KPNB1: variants seen among roughly 807,000 people sequenced by gnomAD.
KPNB1 encodes karyopherin subunit beta 1, also known as importin subunit beta-1.
In KPNB1, 7 loss-of-function variants were observed where a neutral mutation model predicts 113.0. That is an observed-to-expected ratio of 0.06 (90% CI 0.04 to 0.12). KPNB1 has a LOEUF of 0.12. Ranked by LOEUF, KPNB1 falls within the 10% of genes least tolerant of loss-of-function variation. The pLI is 1.00. For synonymous variants in KPNB1, 363 were observed against 378.6 expected, an observed-to-expected ratio of 0.96 and a Z score of 0.48; for missense variants, 400 against 1,054.8, an observed-to-expected ratio of 0.38 and a Z score of 8.60.
rs149969618 is a variant in KPNB1, at chr17:47,684,643, A to T, written c.*2239A>T. 1.3e-5 allele frequency: 2 copies of T among 152,532 alleles called. No homozygotes were observed. Among genetic ancestry groups the T allele is most frequent in the East Asian group, 3.9e-4 (2 of 5,176 alleles). The allele number at this position is 152,532 out of a possible 1,614,324, so 9.4% of individuals were successfully genotyped here. Reference sequence around the variant, plus strand: ...TGCTTAGCTAGACAGCAGGAGAATAAAGTACACCGAGAACCATAATGAAAA... The same window carrying T: ...TGCTTAGCTAGACAGCAGGAGAATATAGTACACCGAGAACCATAATGAAAA... On this transcript the variant is annotated 3_prime_UTR_variant, in exon 22 of 22. Transcript: ENST00000290158.
Position 47,650,378 on chromosome 17 carries a change from C to T in KPNB1, c.41-8C>T, listed in dbSNP as rs745833214. The T allele has an allele frequency of 1.1e-5, 18 of 1,611,894 alleles. No individual in the cohort carries two copies. The Admixed American group carries it at 2.0e-4, about 18-fold the overall frequency. On this transcript the variant is annotated splice_polypyrimidine_tract_variant and splice_region_variant and intron_variant, in intron 1 of 21. Coordinates refer to ENST00000290158, the MANE Select transcript of KPNB1 (RefSeq NM_002265.6). The stretch of plus-strand genomic sequence containing the variant: ...ACCCCGCTCCGTCTCCCACTTTCCT[C>T]CCCCTAGATCGGCTGGAGCTGGAAG...
intron 13 of KPNB1, 50 bp downstream of exon 13, chr17:47,673,215 T>C (rs763011275): frequency 6.4e-7 from 1 of 1,555,418 alleles, no homozygotes; most frequent in Admixed American, 1.8e-5. Flanking sequence ...GGTAGTACTT[T>C]TGACACCTAG....
chr17:47,676,507 C>CA lies in KPNB1; in HGVS notation c.1995+20dup. 6.3e-7 allele frequency: 1 copy of CA among 1,576,518 alleles called. No individual in the cohort carries two copies. The highest frequency in any genetic ancestry group is 8.7e-7 in the Non-Finnish European group (1 of 1,145,740). On this transcript the variant is annotated intron_variant, in intron 16 of 21. Coordinates refer to ENST00000290158, the MANE Select transcript of KPNB1 (RefSeq NM_002265.6). ...TGAATACCAGGTAGGATGTGCTTTT[C>CA]AAAATAGTATGTTCCCATTTATATC...
At chr17:47,680,715 AG>A (rs1405866034) in intron 21 of KPNB1, 46 bp downstream of exon 21, 8 of 1,574,556 alleles carry the variant, frequency 5.1e-6, no homozygotes, top group African/African-American at 2.7e-5. Context: ...TTCCTGGAGG[AG>A]GGGGGTATGT....
chr17:47,670,541 T>C, intron 11 of KPNB1, 161 bp from the exon 12 acceptor site: 2 of 541,984 alleles, frequency 3.7e-6, no homozygotes, highest in South Asian at 3.1e-5. Context: ...AATAAATAAA[T>C]AGTTAGTTTA....
chr17:47,651,256 A>G, intron 2 of KPNB1: 1 of 985,348 alleles, frequency 1.0e-6, no homozygotes, highest in African/African-American at 1.7e-5. Flanking sequence ...TTGTATAAAA[A>G]TGTGGGATGG....
intron 2 of KPNB1, among the ~76,000 whole-genome samples, 187 bp from the exon 3 acceptor site, chr17:47,652,507 A>C (rs199500990): frequency 6.6e-6 from 1 of 152,296 alleles, no homozygotes; most frequent in East Asian, 1.9e-4. Context: ...TGTTACACTA[A>C]GTAACATTTT....
Position 47,655,156 on chromosome 17 carries a change from G to T in KPNB1, c.283-1704G>T, listed in dbSNP as rs76152645. 1.4e-4 allele frequency among the ~76,000 whole-genome samples: 22 copies of T among 152,324 alleles called. No homozygotes were observed. The East Asian group carries it at 3.1e-3, about 21-fold the overall frequency. ...TATTCTTTGTCCCGTGTTCATGCCA[G>T]AACAGTTAACTGTTTGCCTTTGAGT... On this transcript the variant is annotated intron_variant, in intron 3 of 21. Transcript: ENST00000290158.
At chr17:47,675,372 G>GTTTTTTT (rs755565036) in intron 15 of KPNB1, among the ~76,000 whole-genome samples, 4 of 86,072 alleles carry the variant, frequency 4.6e-5, no homozygotes, top group Admixed American at 1.2e-4. Context: ...TTTTTTTTTT[G>GTTTTTTT]TTTTTTTTTT....
intron 16 of KPNB1, 86 bp from the exon 17 acceptor site, chr17:47,676,934 A>G: frequency 9.9e-7 from 1 of 1,008,846 alleles, no homozygotes; most frequent in South Asian, 1.5e-5. Flanking sequence ...TTCAAGTGAT[A>G]AAAGCTCAGC....
chr17:47,677,258 C>T (rs1189711288), intron 17 of KPNB1, 131 bp downstream of exon 17: 3 of 698,036 alleles, frequency 4.3e-6, no homozygotes, highest in Middle Eastern at 3.2e-4. Context: ...CGAGGCAGGC[C>T]AGGAGTTCGA....
rs1915510531 is a variant in KPNB1 at position 47,650,502 on chromosome 17, C to T, written c.99+58C>T. The T allele has an allele frequency of 1.7e-5, 26 of 1,505,400 alleles. No individual in the cohort carries two copies. The East Asian group carries it at 5.8e-4, about 33-fold the overall frequency. The allele number at this position is 1,505,400 out of a possible 1,614,324, so 93.3% of individuals were successfully genotyped here. A position where few individuals can be genotyped will look rare whatever the true frequency, so the allele number is the denominator to read the frequency against. ...CGTCCCCATCCCCTGCGTGCGGGGC[C>T]TTCCCGCCCTCCCGGAGGCCCAGGC... On this transcript the variant is annotated intron_variant, in intron 2 of 21. Transcript: ENST00000290158.
At chr17:47,667,153 T>C (rs1254934555) in intron 9 of KPNB1, among the ~76,000 whole-genome samples, 1 of 150,944 alleles carries the variant, frequency 6.6e-6, no homozygotes, top group East Asian at 2.0e-4. Flanking sequence ...GGGTACAGAG[T>C]CTTGCTCTAT....
At chr17:47,682,148 C>A (rs758430715) in intron 21 of KPNB1, among the ~76,000 whole-genome samples, 12 of 152,206 alleles carry the variant, frequency 7.9e-5, no homozygotes, top group African/African-American at 1.7e-4. Context: ...GTTTTAATTT[C>A]TTTCACTCTT....
rs1307410398 is a variant in KPNB1, at chr17:47,663,196, T to G, written c.786+18T>G. The G allele has an allele frequency of 7.8e-7, 1 of 1,289,804 alleles. No individual in the cohort carries two copies. Among genetic ancestry groups the G allele is most frequent in the Non-Finnish European group, 1.1e-6 (1 of 884,854 alleles). The allele number at this position is 1,289,804 out of a possible 1,614,324, so 79.9% of individuals were successfully genotyped here. Reference sequence around the variant, plus strand: ...TTTTTGCAGTAAGTATTTCTATTTATGTGATTTGAGCTTGTGGCTAATTAC... The same window carrying G: ...TTTTTGCAGTAAGTATTTCTATTTAGGTGATTTGAGCTTGTGGCTAATTAC... On this transcript the variant is annotated intron_variant, in intron 7 of 21. Coordinates refer to ENST00000290158, the MANE Select transcript of KPNB1 (RefSeq NM_002265.6).
chr17:47,667,188 C>T (rs1213055488), intron 9 of KPNB1, among the ~76,000 whole-genome samples: 1 of 151,952 alleles, frequency 6.6e-6, no homozygotes, highest in African/African-American at 2.4e-5. Flanking sequence ...TGCAGTGGGG[C>T]GGTCTTGGCT....
rs762876295 is a variant in KPNB1, at chr17:47,658,676, A to G, written c.636+16A>G. 27 of 1,609,018 alleles carry G rather than the reference A, an allele frequency of 1.7e-5. No homozygotes were observed. Among genetic ancestry groups the G allele is most frequent in the South Asian group, 1.1e-4 (10 of 90,846 alleles). On this transcript the variant is annotated intron_variant, in intron 5 of 21. Transcript: ENST00000290158. ...TGATAAAGAGGTAAGTTTTTTGACA[A>G]TAAGGTATAGATTCAGACAGTAAGG...
intron 9 of KPNB1, among the ~76,000 whole-genome samples, chr17:47,665,423 A>G (rs187880543): frequency 1.3e-5 from 2 of 152,292 alleles, no homozygotes; most frequent in East Asian, 1.9e-4. Context: ...CCATTGTCCA[A>G]ACTCATAAAA....
At chr17:47,681,363 G>A (rs575569955) in intron 21 of KPNB1, among the ~76,000 whole-genome samples, 1 of 151,354 alleles carries the variant, frequency 6.6e-6, no homozygotes, top group African/African-American at 2.4e-5. Flanking sequence ...CTGCCTCCCG[G>A]GTTCAAGCAG....
Sources: gnomAD v4.1 joint callset for allele counts (sites outside exome capture counted in the v4.1 genomes callset) on GRCh38, gnomAD v4.1.1 for gene constraint, MANE v1.5 for transcripts, NCBI Gene and HGNC (gene_info 2026-07-23, HGNC 2026-07-21) for gene names.